The following C2CD3 variants were observed in gnomAD, a reference collection of about 807,000 sequenced individuals.
C2CD3 encodes C2 domain containing 3 centriole elongation regulator.
In C2CD3, 148 loss-of-function variants were observed where a neutral mutation model predicts 234.0. The observed-to-expected ratio is 0.63, with a 90% CI of 0.55 to 0.72. The LOEUF (loss-of-function observed/expected upper bound fraction) is 0.72, where lower values mean the gene tolerates loss of function less well. Ranked by LOEUF, C2CD3 falls within the 30% of genes least tolerant of loss-of-function variation. The pLI is 0.00. For synonymous variants in C2CD3, 1,000 were observed against 1,035.4 expected (o/e 0.97, Z 0.66); for missense variants, 2,577 against 2,811.5 (o/e 0.92, Z 1.89).
intron 9 of C2CD3, among the ~76,000 whole-genome samples, chr11:74,115,397 T>C (rs1956890754): frequency 6.6e-6 from 1 of 152,278 alleles, no homozygotes; most frequent in Admixed American, 6.5e-5. Flanking sequence ...ATTGTCACTT[T>C]TGTGTATTCC....
chr11:74,057,937 G>T (rs1338044210), intron 24 of C2CD3, among the ~76,000 whole-genome samples: 1 of 151,982 alleles, frequency 6.6e-6, no homozygotes, highest in Non-Finnish European at 1.5e-5. Flanking sequence ...CCAGACTGGG[G>T]TACAGAGTGA....
chr11:74,127,803 G>T (rs1027479874), intron 7 of C2CD3, among the ~76,000 whole-genome samples: 1 of 151,472 alleles, frequency 6.6e-6, no homozygotes, highest in Non-Finnish European at 1.5e-5. Flanking sequence ...GTGTGAAGTA[G>T]TATCTCATTG....
At chr11:74,118,423 T>G in intron 8 of C2CD3, 41 bp from the exon 9 acceptor site, 1 of 1,542,612 alleles carries the variant, frequency 6.5e-7, no homozygotes, top group Non-Finnish European at 8.9e-7. Flanking sequence ...TGACTGCTGC[T>G]TTGGGAATTG....
chr11:74,085,121 A>G, intron 21 of C2CD3, 151 bp from the exon 22 acceptor site: 2 of 526,422 alleles, frequency 3.8e-6, no homozygotes, highest in Non-Finnish European at 6.7e-6. Flanking sequence ...CTCATGCCCC[A>G]ATCAAAGCCT....
In C2CD3 at chr11:74,132,882, T is replaced by G; in HGVS notation, c.1179A>C (p.Thr393=). ...STENTFWRHD[T]KADTRAIQLL... is the part of the protein sequence containing the mutation. Reference sequence around the variant, plus strand: ...GCTGTATAGCTCTGGTATCAGCTTTTGTGTCATGTCTCCAAAATGTATTCT... The same window carrying G: ...GCTGTATAGCTCTGGTATCAGCTTTGGTGTCATGTCTCCAAAATGTATTCT... The change falls in exon 7 of 33, where the codon ACA becomes ACC. Residue 393 remains threonine (T), a synonymous_variant. Coordinates refer to ENST00000334126, the MANE Select transcript of C2CD3 (RefSeq NM_001286577.2). 6.2e-7 allele frequency: 1 copy of G among 1,614,000 alleles called. No individual in the cohort carries two copies.
intron 27 of C2CD3, among the ~76,000 whole-genome samples, chr11:74,048,586 C>T (rs560929886): frequency 6.6e-6 from 1 of 152,124 alleles, no homozygotes; most frequent in Non-Finnish European, 1.5e-5. Flanking sequence ...TATATTTATG[C>T]TCTTGTTCCT....
intron 6 of C2CD3, among the ~76,000 whole-genome samples, chr11:74,133,206 G>A (rs777831412): frequency 1.1e-4 from 16 of 152,118 alleles, no homozygotes; most frequent in Non-Finnish European, 2.1e-4. Context: ...ATACCAGTTC[G>A]GAGACAGTAA....
At chr11:74,075,580 C>A (rs1955000300) in intron 23 of C2CD3, among the ~76,000 whole-genome samples, 1 of 152,100 alleles carries the variant, frequency 6.6e-6, no homozygotes, top group South Asian at 2.1e-4. Context: ...ACAGAAGGAA[C>A]TAATAGTTCC....
At chr11:74,022,199 T>C (rs1952118209) in intron 32 of C2CD3, among the ~76,000 whole-genome samples, 1 of 152,080 alleles carries the variant, frequency 6.6e-6, no homozygotes, top group Middle Eastern at 3.4e-3. Flanking sequence ...ATTCAAAAGA[T>C]GCTTAGGTGG....
At chr11:74,144,521 G>C (rs1855032907) in intron 3 of C2CD3, among the ~76,000 whole-genome samples, 1 of 152,122 alleles carries the variant, frequency 6.6e-6, no homozygotes, top group African/African-American at 2.4e-5. Flanking sequence ...TGACGTGGGG[G>C]TCTGGTGTAC....
At chr11:74,034,645 C>T in intron 30 of C2CD3, 3 of 1,523,758 alleles carry the variant, frequency 2.0e-6, no homozygotes, top group Non-Finnish European at 2.7e-6. Flanking sequence ...CACTTATTTA[C>T]CTATTTGATG....
At chr11:74,017,135 C>G (rs1951909798) in intron 32 of C2CD3, among the ~76,000 whole-genome samples, 1 of 152,148 alleles carries the variant, frequency 6.6e-6, no homozygotes, top group African/African-American at 2.4e-5. Flanking sequence ...AAACCTATTA[C>G]TAGAAGAGGG....
Position 74,092,423 on chromosome 11 carries a change from C to T in C2CD3, c.3510G>A (p.Gln1170=). 1 of 1,613,118 alleles carries T rather than the reference C, an allele frequency of 6.2e-7. No individual in the cohort carries two copies. Among genetic ancestry groups the T allele is most frequent in the African/African-American group, 1.3e-5 (1 of 74,958 alleles). ...RIENRKELRN[Q]SSGLLDVGLR... ...AAACTTGTTTTCAATTACCTGATGACTGGTTCCTCAATTCTTTCCTGTTCT... is the reference window on the plus strand; with the variant it reads ...AAACTTGTTTTCAATTACCTGATGATTGGTTCCTCAATTCTTTCCTGTTCT... The change falls in exon 19 of 33, where the codon CAG becomes CAA. Residue 1170 remains glutamine, a synonymous_variant. Transcript: ENST00000334126.
chr11:74,049,652 C>A lies in C2CD3; in HGVS notation c.5156-110G>T, dbSNP rs1174449018. 4 of 780,510 alleles carry A rather than the reference C, an allele frequency of 5.1e-6. No individual in the cohort carries two copies. In the African/African-American group the frequency reaches 5.2e-5, roughly 10 times the overall value. 48.3% of individuals were successfully genotyped at this position (780,510 alleles called of 1,614,324 possible). On this transcript the variant is annotated intron_variant, in intron 26 of 32. Transcript: ENST00000334126. ...CAGGGGATGGAGGAATTTAGTGATC[C>A]CAAAGCCATCAGAGAAGACAGATAA...
intron 26 of C2CD3, among the ~76,000 whole-genome samples, chr11:74,054,068 C>T (rs1260509953): frequency 6.6e-6 from 1 of 151,942 alleles, no homozygotes. Flanking sequence ...GTCAGGAGAT[C>T]GAGACCACCC....
chr11:74,117,913 C>CA lies in C2CD3; in HGVS notation c.1520+314dup, dbSNP rs1262165951. On this transcript the variant is annotated intron_variant, in intron 9 of 32. Transcript: ENST00000334126. ...GGGAAACAAGAGCGAAACTCCGTCT[C>CA]AAAAAAAAAAAAAAAAAGACTACAA... Among the ~76,000 whole-genome samples, 5,635 of 65,782 alleles carry CA rather than the reference C, an allele frequency of 0.086. 134 individuals carry two copies. The highest frequency in any genetic ancestry group is 0.11 in the Non-Finnish European group (3,540 of 31,378). The allele number at this position is 65,782 out of a possible 152,430, so 43.2% of individuals were successfully genotyped here. A position where few individuals can be genotyped will look rare whatever the true frequency, so the allele number is the denominator to read the frequency against.
chr11:74,028,577 CAT>C (rs1952399831), intron 31 of C2CD3, among the ~76,000 whole-genome samples, 179 bp from the exon 32 acceptor site: 1 of 152,182 alleles, frequency 6.6e-6, no homozygotes, highest in South Asian at 2.1e-4. Context: ...ACTCCTAACA[CAT>C]ATAAGTTTTT....
chr11:74,072,368 T>C (rs1206331099), intron 24 of C2CD3, among the ~76,000 whole-genome samples: 1 of 152,222 alleles, frequency 6.6e-6, no homozygotes, highest in Non-Finnish European at 1.5e-5. Flanking sequence ...ATAGTTACTA[T>C]GAGCACAGGT....
chr11:74,049,779 C>G (rs1160562168), intron 26 of C2CD3, among the ~76,000 whole-genome samples: 1 of 152,128 alleles, frequency 6.6e-6, no homozygotes, highest in Non-Finnish European at 1.5e-5. Context: ...CATTCTCTCT[C>G]TCTCTCTCTC....
Sources: allele counts gnomAD v4.1 joint callset (sites outside exome capture counted in the v4.1 genomes callset), GRCh38; gene constraint gnomAD v4.1.1; transcripts MANE v1.5; gene names NCBI Gene and HGNC (gene_info 2026-07-23, HGNC 2026-07-21).